The following ORC4 variants were observed in gnomAD, a reference collection of about 807,000 sequenced individuals.
ORC4 encodes origin recognition complex, subunit 4 homolog.
ORC4 carries 55 observed loss-of-function variants against 63.9 expected under a neutral mutation model. The observed-to-expected ratio is 0.86, with a 90% CI of 0.69 to 1.08. ORC4 has a LOEUF of 1.08. Ranked by LOEUF, ORC4 falls within the 50% of genes least tolerant of loss-of-function variation. ORC4 has a pLI of 0.00. For synonymous variants in ORC4, 150 were observed against 168.5 expected (o/e 0.89, Z 0.85); for missense variants, 511 against 504.4 (o/e 1.01, Z -0.13).
chr2:147,972,712 C>A, intron 4 of ORC4, 27 bp downstream of exon 4: 5 of 1,418,908 alleles, frequency 3.5e-6, no homozygotes, highest in Non-Finnish European at 5.0e-6. Context: ...CACATGCCAA[C>A]AAACACCAGA....
intron 6 of ORC4, 68 bp downstream of exon 6, chr2:147,958,226 TATAA>T: frequency 1.0e-6 from 1 of 953,700 alleles, no homozygotes. Context: ...CTTCCAGAAA[TATAA>T]AAATATACAT....
chr2:148,007,667 T>C (rs569097127), intron 1 of ORC4, among the ~76,000 whole-genome samples: 69 of 152,252 alleles, frequency 4.5e-4, no homozygotes, highest in African/African-American at 1.4e-3. Context: ...AAAGAAATAA[T>C]AGCAGAGTAC....
chr2:147,972,980 T>C (rs1435117146), intron 3 of ORC4, 151 bp from the exon 4 acceptor site: 1 of 604,082 alleles, frequency 1.7e-6, no homozygotes, highest in Non-Finnish European at 3.0e-6. Context: ...TGGTCCTAAA[T>C]AGAAAAATAC....
intron 1 of ORC4, among the ~76,000 whole-genome samples, chr2:147,977,975 C>T (rs2105362119): frequency 6.6e-6 from 1 of 152,248 alleles, no homozygotes; most frequent in East Asian, 1.9e-4. Flanking sequence ...TGCATGTCTC[C>T]CTTCAGGTCC....
intron 1 of ORC4, among the ~76,000 whole-genome samples, chr2:148,004,393 T>C (rs1692496685): frequency 6.6e-6 from 1 of 152,156 alleles, no homozygotes; most frequent in African/African-American, 2.4e-5. Context: ...CAAAGCAGCA[T>C]AGTACTGGTA....
chr2:148,019,475 T>G (rs1693541376), intron 1 of ORC4, among the ~76,000 whole-genome samples: 1 of 152,030 alleles, frequency 6.6e-6, no homozygotes, highest in Non-Finnish European at 1.5e-5. Flanking sequence ...GCCTGTAGTT[T>G]CAGCTACTCG....
intron 1 of ORC4, among the ~76,000 whole-genome samples, chr2:148,006,428 G>T (rs919189400): frequency 6.6e-6 from 1 of 152,282 alleles, no homozygotes; most frequent in South Asian, 2.1e-4. Context: ...GTACTGCACT[G>T]GCCTTGGAGG....
chr2:147,946,962 G>T (rs1278058466), intron 9 of ORC4, among the ~76,000 whole-genome samples: 1 of 151,808 alleles, frequency 6.6e-6, no homozygotes, highest in Non-Finnish European at 1.5e-5. Flanking sequence ...AAACTTTTAT[G>T]ATATTTTAAA....
chr2:147,955,658 AAAAAG>A (rs201274173), intron 6 of ORC4, among the ~76,000 whole-genome samples: 1,675 of 152,112 alleles, frequency 0.011, 39 homozygotes, highest in African/African-American at 0.038. Flanking sequence ...GTCAAAGAAG[AAAAAG>A]AAAAGTAAGA....
rs767726466 is a variant in ORC4, at chr2:147,935,566, G to C, written c.1255C>G (p.Pro419Ala). The C allele has an allele frequency of 1.9e-6, 3 of 1,613,688 alleles. No homozygotes were observed. In the African/African-American group the frequency reaches 4.0e-5, roughly 22 times the overall value. Reference sequence around the variant, plus strand: ...TGCCTCACATCTGTAGGACAGTTGGGATATTTCTGCAGAGCATTCATAATT... The same window carrying C: ...TGCCTCACATCTGTAGGACAGTTGGCATATTTCTGCAGAGCATTCATAATT... ...TQIMNALQKY[P>A]NCPTDVRQWA... Residue 419 changes from proline (P) to alanine (A), a missense_variant, in exon 14 of 14, where the codon CCC becomes GCC. Physicochemically the swap from Pro to Ala is conservative, Grantham distance 27. Coordinates refer to ENST00000392857, the MANE Select transcript of ORC4 (RefSeq NM_181741.4).
At chr2:147,942,869 G>T (rs1274919452) in intron 10 of ORC4, among the ~76,000 whole-genome samples, 1 of 151,818 alleles carries the variant, frequency 6.6e-6, no homozygotes, top group African/African-American at 2.4e-5. Flanking sequence ...AAACCTCTTA[G>T]AATAAGTGAG....
chr2:148,003,639 C>T (rs1692449205), intron 1 of ORC4, among the ~76,000 whole-genome samples: 1 of 152,112 alleles, frequency 6.6e-6, no homozygotes, highest in Admixed American at 6.5e-5. Context: ...TTATGACAAA[C>T]CCACGGCCAA....
At chr2:147,993,475 T>G in intron 1 of ORC4, among the ~76,000 whole-genome samples, 1 of 152,188 alleles carries the variant, frequency 6.6e-6, no homozygotes, top group East Asian at 1.9e-4. Flanking sequence ...CTTTTAGGAA[T>G]AATACATTGT....
intron 7 of ORC4, among the ~76,000 whole-genome samples, chr2:147,953,983 T>C (rs543652086): frequency 6.6e-6 from 1 of 151,998 alleles, no homozygotes; most frequent in Non-Finnish European, 1.5e-5. Flanking sequence ...TGGGGAAAAT[T>C]AGTCTATTCA....
chr2:147,939,995 A>G (rs1688271015), intron 10 of ORC4, among the ~76,000 whole-genome samples: 1 of 152,144 alleles, frequency 6.6e-6, no homozygotes, highest in Non-Finnish European at 1.5e-5. Flanking sequence ...GCCATGCAAT[A>G]TTTGGGATAT....
chr2:147,994,584 G>C (rs1167814104), intron 1 of ORC4, among the ~76,000 whole-genome samples: 1 of 152,164 alleles, frequency 6.6e-6, no homozygotes, highest in South Asian at 2.1e-4. Flanking sequence ...CAATTCAATG[G>C]AGAAAAGAAC....
At chr2:147,961,238 C>A (rs1330239643) in intron 4 of ORC4, among the ~76,000 whole-genome samples, 1 of 151,840 alleles carries the variant, frequency 6.6e-6, no homozygotes, top group East Asian at 1.9e-4. Context: ...ACAGCAGTTC[C>A]AGACAAACCT....
At chr2:147,976,824 C>G (rs1690585095) in intron 1 of ORC4, among the ~76,000 whole-genome samples, 1 of 151,808 alleles carries the variant, frequency 6.6e-6, no homozygotes, top group South Asian at 2.1e-4. Context: ...ATATTCTAAG[C>G]ATTGTAGCAT....
intron 1 of ORC4, among the ~76,000 whole-genome samples, chr2:147,982,885 T>C (rs1690973022): frequency 2.0e-5 from 3 of 151,930 alleles, no homozygotes; most frequent in Non-Finnish European, 1.5e-5. Flanking sequence ...CAACACTCAA[T>C]AATAAAAAAG....
Sources: gnomAD v4.1 joint callset for allele counts (sites outside exome capture counted in the v4.1 genomes callset) on GRCh38, gnomAD v4.1.1 for gene constraint, MANE v1.5 for transcripts, NCBI Gene and HGNC (gene_info 2026-07-23, HGNC 2026-07-21) for gene names.